The following ATM variants were observed in gnomAD, a reference collection of about 807,000 sequenced individuals.
ATM encodes the protein serine-protein kinase ATM.
In ATM, 308 loss-of-function variants were observed where a neutral mutation model predicts 387.0. That is an observed-to-expected ratio of 0.80 (90% CI 0.73 to 0.87). The LOEUF (loss-of-function observed/expected upper bound fraction) is 0.87. Among genes scored for constraint, ATM ranks in the 40% least tolerant of loss-of-function variants. The pLI is 0.00. For synonymous variants in ATM, 1,156 were observed against 1,187.3 expected (o/e 0.97, Z 0.54); for missense variants, 3,312 against 3,560.9 (o/e 0.93, Z 1.78).
At chr11:108,267,562 A>G (rs1323504279) in intron 17 of ATM, among the ~76,000 whole-genome samples, 1 of 152,032 alleles carries the variant, frequency 6.6e-6, no homozygotes, top group Non-Finnish European at 1.5e-5. Context: ...GATAACTATT[A>G]AAGAAATAAA....
intron 10 of ATM, 78 bp from the exon 11 acceptor site, chr11:108,251,759 C>A: frequency 1.5e-6 from 2 of 1,363,040 alleles, no homozygotes; most frequent in Non-Finnish European, 2.1e-6. Flanking sequence ...AATGTATGTG[C>A]CAGGCACTGT....
chr11:108,332,368 G>A (rs2086355536), intron 52 of ATM, among the ~76,000 whole-genome samples: 1 of 152,108 alleles, frequency 6.6e-6, no homozygotes, highest in South Asian at 2.1e-4. Flanking sequence ...GGAGGCGGAG[G>A]TTGCAGTGAG....
intron 47 of ATM, 188 bp from the exon 48 acceptor site, chr11:108,327,457 G>A (rs2085784978): frequency 1.8e-6 from 1 of 555,970 alleles, no homozygotes; most frequent in African/African-American, 1.9e-5. Context: ...ATAATAAACA[G>A]AGGATGATCA....
At chr11:108,309,700 A>G (rs978303733) in intron 38 of ATM, among the ~76,000 whole-genome samples, 14 of 152,348 alleles carry the variant, frequency 9.2e-5, no homozygotes, top group African/African-American at 3.4e-4. Flanking sequence ...TAGGCAATAC[A>G]TTAAGGAGAA....
intron 57 of ATM, 74 bp downstream of exon 57, chr11:108,343,445 T>C: frequency 1.9e-6 from 3 of 1,564,210 alleles, no homozygotes; most frequent in South Asian, 2.3e-5. Flanking sequence ...CTGTCAGATA[T>C]TATAGAATAC....
rs188420858 is a variant in ATM, at chr11:108,345,276, G to A, written c.8419-467G>A. 2.0e-3 allele frequency among the ~76,000 whole-genome samples: 305 copies of A among 152,310 alleles called. 2 individuals carry two copies. The highest frequency in any genetic ancestry group is 1.2e-3 in the South Asian group (6 of 4,828). ...AGCACATAGATGGAAGGGAGTTGAA[G>A]TCGGTAAGCTTTGCTTCAGGTAGTA... On this transcript the variant is annotated intron_variant, in intron 57 of 62. Transcript: ENST00000675843.
At chr11:108,247,513 A>AT (rs563061414) in intron 8 of ATM, among the ~76,000 whole-genome samples, 100 of 152,242 alleles carry the variant, frequency 6.6e-4, no homozygotes, top group Middle Eastern at 3.4e-3. Context: ...AAAATTCACG[A>AT]TTTTGAGTTG....
At chr11:108,251,779 T>C (rs749621478) in intron 10 of ATM, 58 bp from the exon 11 acceptor site, 39 of 1,546,000 alleles carry the variant, frequency 2.5e-5, no homozygotes, top group Non-Finnish European at 3.4e-5. Flanking sequence ...TCCTGATAGA[T>C]AAAGTCTTTG....
At chr11:108,241,867 TCCA>T in intron 5 of ATM, among the ~76,000 whole-genome samples, 1 of 149,466 alleles carries the variant, frequency 6.7e-6, no homozygotes, top group East Asian at 2.0e-4. Context: ...CCCACCCCCT[TCCA>T]AGTAGCTGTG....
chr11:108,314,673 A>G (rs965835934), intron 40 of ATM, among the ~76,000 whole-genome samples: 4 of 152,172 alleles, frequency 2.6e-5, no homozygotes, highest in African/African-American at 9.7e-5. Context: ...AAATCAGGGT[A>G]AAACTAAATT....
At position 108,295,221 on chromosome 11, in the gene ATM, G is replaced by T. The variant is rs2083056214; in HGVS notation, c.4909+162G>T. The T allele has an allele frequency of 3.5e-6, 3 of 864,162 alleles. No homozygotes were observed. The East Asian group carries it at 8.1e-5, about 23-fold the overall frequency. The allele number at this position is 864,162 out of a possible 1,614,324, so 53.5% of individuals were successfully genotyped here. A position where few individuals can be genotyped will look rare whatever the true frequency, so the allele number is the denominator to read the frequency against. On this transcript the variant is annotated intron_variant, in intron 32 of 62. Coordinates refer to ENST00000675843, the MANE Select transcript of ATM (RefSeq NM_000051.4). ...CTAACTGTAAAACTGGTCCTAACTG[G>T]TCTTCTCACCCTGAACTCTTCCTGT...
chr11:108,317,634 TATATATATATATATATATACACAC>T, intron 43 of ATM, 113 bp downstream of exon 43: 2 of 175,182 alleles, frequency 1.1e-5, no homozygotes, highest in African/African-American at 7.1e-5. Context: ...TATATATATA[TATATATATATATATATATACACAC>T]ACACACACAC....
At chr11:108,363,090 T>A (rs912029280) in intron 61 of ATM, among the ~76,000 whole-genome samples, 10 of 152,366 alleles carry the variant, frequency 6.6e-5, no homozygotes, top group Admixed American at 5.9e-4. Flanking sequence ...TTTGGTGTGA[T>A]TGTTCCAATC....
At chr11:108,359,133 AG>A (rs2090399740) in intron 61 of ATM, among the ~76,000 whole-genome samples, 2 of 150,654 alleles carry the variant, frequency 1.3e-5, no homozygotes, top group African/African-American at 4.9e-5. Flanking sequence ...AAAAAAAGGC[AG>A]GGGTTGCAAT....
chr11:108,356,333 C>G (rs558536804), intron 61 of ATM, among the ~76,000 whole-genome samples: 1 of 152,062 alleles, frequency 6.6e-6, no homozygotes, highest in Non-Finnish European at 1.5e-5. Context: ...GTCAGGAGTT[C>G]AAGACCAGTT....
At chr11:108,335,352 A>ATGTCT in intron 55 of ATM, 1 of 1,236,792 alleles carries the variant, frequency 8.1e-7, no homozygotes, top group Non-Finnish European at 1.1e-6. Flanking sequence ...TAACATGTAC[A>ATGTCT]GACATGTACA....
At chr11:108,243,710 T>G (rs768407622) in intron 5 of ATM, among the ~76,000 whole-genome samples, 2 of 152,226 alleles carry the variant, frequency 1.3e-5, no homozygotes, top group Non-Finnish European at 2.9e-5. Context: ...AAGTAATGTT[T>G]CTGCGACCTG....
At position 108,330,351 on chromosome 11, in the gene ATM, T is replaced by C. The variant is rs1555123191; in HGVS notation, c.7445T>C (p.Met2482Thr). The change falls in exon 50 of 63, where the codon ATG becomes ACG. Residue 2482 changes from methionine to threonine, a missense_variant. By Grantham distance (81) the Met-to-Thr change is moderately conservative (BLOSUM62 -1). This residue lies in a region of ATM where 1,405 missense variants were observed against 1,604.4 expected (regional missense o/e 0.88). Transcript: ENST00000675843. Reference protein sequence around the residue: ...NCLLSGEEHDMWVFRLCSLWL... With the variant: ...NCLLSGEEHDTWVFRLCSLWL... The stretch of plus-strand genomic sequence containing the variant: ...TTATTAAGTGGAGAAGAACATGATA[T>C]GTGGGTATTCCGACTTTGTTCCCTC... 2.5e-6 allele frequency: 4 copies of C among 1,614,212 alleles called. No homozygotes were observed. Among genetic ancestry groups the C allele is most frequent in the African/African-American group, 1.3e-5 (1 of 75,068 alleles).
At chr11:108,256,583 T>C (rs2135398153) in intron 14 of ATM, among the ~76,000 whole-genome samples, 1 of 152,330 alleles carries the variant, frequency 6.6e-6, no homozygotes, top group Admixed American at 6.5e-5. Flanking sequence ...GTTTGTTACA[T>C]AGATATACAG....
Sources: allele counts gnomAD v4.1 joint callset (sites outside exome capture counted in the v4.1 genomes callset), GRCh38; gene constraint gnomAD v4.1.1; regional missense constraint gnomAD v4.1.1; transcripts MANE v1.5; gene names NCBI Gene and HGNC (gene_info 2026-07-23, HGNC 2026-07-21).